SLC25A21: variants seen among roughly 807,000 people sequenced by gnomAD.
The protein encoded by SLC25A21 is solute carrier family 25 member 21.
A neutral mutation model predicts 43.8 loss-of-function variants in SLC25A21; 47 were observed. The observed-to-expected ratio is 1.07, with a 90% CI of 0.85 to 1.37. The LOEUF is 1.37. Among genes scored for constraint, SLC25A21 ranks in the 40% most tolerant of loss-of-function variants. The pLI is 0.00. For missense variants in SLC25A21, 352 were observed against 350.2 expected (o/e 1.00, Z -0.04); for synonymous variants, 131 against 121.3 (o/e 1.08, Z -0.52).
chr14:37,124,337 A>C (rs577669271), intron 1 of SLC25A21, among the ~76,000 whole-genome samples: 99 of 152,278 alleles, frequency 6.5e-4, no homozygotes, highest in African/African-American at 2.3e-3. Context: ...TAGGGCCTTA[A>C]ATAGTAAACA....
intron 2 of SLC25A21, among the ~76,000 whole-genome samples, chr14:36,814,277 T>C (rs1347967219): frequency 6.6e-6 from 1 of 152,248 alleles, no homozygotes; most frequent in Admixed American, 6.5e-5. Context: ...TTTGTGCTTT[T>C]TCCTTTTGTG....
chr14:36,887,311 C>T (rs1890945999), intron 1 of SLC25A21, among the ~76,000 whole-genome samples: 1 of 151,782 alleles, frequency 6.6e-6, no homozygotes, highest in African/African-American at 2.4e-5. Flanking sequence ...CACCTGTAAT[C>T]TCGATACTTG....
intron 1 of SLC25A21, among the ~76,000 whole-genome samples, chr14:37,025,826 G>A (rs528249362): frequency 3.9e-5 from 6 of 152,172 alleles, no homozygotes; most frequent in South Asian, 2.1e-4. Flanking sequence ...ATTTAGCAAC[G>A]CCTGTTCAGG....
intron 1 of SLC25A21, among the ~76,000 whole-genome samples, chr14:37,083,234 C>G (rs1018507148): frequency 1.3e-4 from 20 of 152,152 alleles, no homozygotes; most frequent in African/African-American, 4.6e-4. Flanking sequence ...TAAGTGAATT[C>G]ACCAAATGCT....
In SLC25A21 at chr14:36,926,623, T is replaced by C. The variant is rs150552803; in HGVS notation, c.71-51619A>G. On this transcript the variant is annotated intron_variant, in intron 1 of 9. Coordinates refer to ENST00000331299, the MANE Select transcript of SLC25A21 (RefSeq NM_030631.4). ...GTGATGAAACTCACTAAAATTAGTA[T>C]GTGAAAGAGTGTTTGGACGAGGACA... 2.6e-3 allele frequency among the ~76,000 whole-genome samples: 400 copies of C among 152,264 alleles called. 5 individuals carry two copies. The highest frequency in any genetic ancestry group is 8.9e-3 in the African/African-American group (370 of 41,564).
intron 2 of SLC25A21, among the ~76,000 whole-genome samples, chr14:36,860,797 A>G (rs1383803403): frequency 6.6e-6 from 1 of 152,236 alleles, no homozygotes; most frequent in Non-Finnish European, 1.5e-5. Context: ...TGGATCATAT[A>G]ATGAGAAGTT....
chr14:36,986,177 C>T (rs72667342), intron 1 of SLC25A21, among the ~76,000 whole-genome samples: 13,298 of 152,136 alleles, frequency 0.087, 661 homozygotes, highest in African/African-American at 0.13. Flanking sequence ...ATCATATATA[C>T]ACACATATCT....
At chr14:36,853,302 A>G (rs1267272001) in intron 2 of SLC25A21, among the ~76,000 whole-genome samples, 1 of 151,374 alleles carries the variant, frequency 6.6e-6, no homozygotes, top group Admixed American at 6.6e-5. Flanking sequence ...ACTTAAGTAA[A>G]GCATTTTACA....
intron 3 of SLC25A21, among the ~76,000 whole-genome samples, chr14:36,789,356 GA>G (rs1028188170): frequency 4.7e-5 from 7 of 149,430 alleles, no homozygotes; most frequent in South Asian, 4.2e-4. Context: ...TATCTTCAGG[GA>G]AAAAAAAAGG....
intron 7 of SLC25A21, among the ~76,000 whole-genome samples, chr14:36,688,441 T>G (rs1386933374): frequency 6.6e-6 from 1 of 152,206 alleles, no homozygotes; most frequent in Non-Finnish European, 1.5e-5. Context: ...CTGTAGGTGC[T>G]AAATAAACCA....
chr14:37,169,635 G>A (rs373191059), intron 1 of SLC25A21, among the ~76,000 whole-genome samples: 1 of 150,172 alleles, frequency 6.7e-6, no homozygotes, highest in East Asian at 2.0e-4. Flanking sequence ...GACAATACCA[G>A]TGATTAGAAC....
At chr14:37,170,849 C>T (rs1336851773) in intron 1 of SLC25A21, among the ~76,000 whole-genome samples, 1 of 151,532 alleles carries the variant, frequency 6.6e-6, no homozygotes, top group Non-Finnish European at 1.5e-5. Flanking sequence ...ACTCTGGAAG[C>T]TGCAGTGAGA....
At chr14:36,719,989 C>T (rs1884311176) in intron 6 of SLC25A21, among the ~76,000 whole-genome samples, 1 of 152,100 alleles carries the variant, frequency 6.6e-6, no homozygotes, top group African/African-American at 2.4e-5. Flanking sequence ...AGCTCTGTGC[C>T]GTGCTGCACT....
At position 36,678,090 on chromosome 14, in the gene SLC25A21, A is replaced by G. The variant is rs78835570; in HGVS notation, c.*2568T>C. On this transcript the variant is annotated 3_prime_UTR_variant, in exon 10 of 10. Transcript: ENST00000331299. ...AATAACTAAAAGAGCACCTCACTGG[A>G]TATGGATGTTGAAGATGGATTCCCT... The G allele has an allele frequency of 6.4e-3, 1,191 of 185,576 alleles. 8 individuals are homozygous for G. Among genetic ancestry groups the G allele is most frequent in the African/African-American group, 0.026 (1,108 of 43,086 alleles). The allele number at this position is 185,576 out of a possible 1,614,324, so 11.5% of individuals were successfully genotyped here. A position where few individuals can be genotyped will look rare whatever the true frequency, so the allele number is the denominator to read the frequency against.
intron 3 of SLC25A21, among the ~76,000 whole-genome samples, chr14:36,809,817 T>C (rs1230306805): frequency 1.3e-5 from 2 of 152,196 alleles, no homozygotes; most frequent in African/African-American, 2.4e-5. Context: ...ACAGTCAAAA[T>C]TGACTAGTGC....
intron 1 of SLC25A21, among the ~76,000 whole-genome samples, chr14:37,148,822 C>T (rs571289234): frequency 3.9e-5 from 6 of 152,186 alleles, no homozygotes; most frequent in Non-Finnish European, 7.4e-5. Context: ...AACAAAAAAT[C>T]AAGGAAAAGT....
In SLC25A21 at chr14:36,776,233, TCTTTC is replaced by T. The variant is rs1277389012; in HGVS notation, c.203+37680_203+37684del. On this transcript the variant is annotated intron_variant, in intron 3 of 9. Transcript: ENST00000331299. ...GCTTTCTTTTTTCTTTTTCTTTCTT[TCTTTC>T]TTTTTTTTTTTTTTTTGAGATGGAG... 8.9e-4 allele frequency among the ~76,000 whole-genome samples: 63 copies of T among 70,416 alleles called. 3 individuals carry two copies. The highest frequency in any genetic ancestry group is 6.3e-3 in the South Asian group (16 of 2,536). The allele number at this position is 70,416 out of a possible 152,430, so 46.2% of individuals were successfully genotyped here. A position where few individuals can be genotyped will look rare whatever the true frequency, so the allele number is the denominator to read the frequency against.
intron 1 of SLC25A21, among the ~76,000 whole-genome samples, chr14:36,915,278 C>T (rs987269660): frequency 6.6e-6 from 1 of 152,102 alleles, no homozygotes; most frequent in Non-Finnish European, 1.5e-5. Flanking sequence ...TGTGAGCTAA[C>T]TGGGAAATGT....
In SLC25A21 at chr14:37,172,331, A is replaced by T; in HGVS notation, c.20T>A (p.Val7Asp). 6.2e-7 allele frequency: 1 copy of T among 1,602,854 alleles called. No individual in the cohort carries two copies. The highest frequency in any genetic ancestry group is 1.1e-5 in the South Asian group (1 of 88,658). Residue 7 changes from valine (V) to aspartate (D), a missense_variant, in exon 1 of 10, where the codon GTC becomes GAC. Physicochemically the swap from Val to Asp is radical, Grantham distance 152. Coordinates refer to ENST00000331299, the MANE Select transcript of SLC25A21 (RefSeq NM_030631.4). The stretch of plus-strand genomic sequence containing the variant: ...CCGAGAAGCCTCGCGCACTAAGCTG[A>T]CTTCAGGCTTGGCGGACATCTTCGC... MSAKPEVSLVREASRQI... is the reference protein window; with the variant it reads MSAKPEDSLVREASRQI...
Sources: allele counts gnomAD v4.1 joint callset (sites outside exome capture counted in the v4.1 genomes callset), GRCh38; gene constraint gnomAD v4.1.1; transcripts MANE v1.5; gene names NCBI Gene and HGNC (gene_info 2026-07-23, HGNC 2026-07-21).